Variants in NOS1AP observed in about 807,000 individuals in gnomAD.
NOS1AP encodes the protein nitric oxide synthase 1 adaptor protein.
In NOS1AP, 21 loss-of-function variants were observed where a neutral mutation model predicts 56.2. The observed-to-expected ratio is 0.37, with a 90% CI of 0.26 to 0.54. The LOEUF (loss-of-function observed/expected upper bound fraction) is 0.54. NOS1AP is among the 20% of genes least tolerant of loss of function. The pLI, the probability that NOS1AP is intolerant of heterozygous loss-of-function variation, is 0.84. For missense variants in NOS1AP, 522 were observed against 657.8 expected (o/e 0.79, Z 2.26); for synonymous variants, 270 against 274.6 (o/e 0.98, Z 0.17).
chr1:162,153,153 G>T (rs1179795807), intron 1 of NOS1AP, among the ~76,000 whole-genome samples: 1 of 152,106 alleles, frequency 6.6e-6, no homozygotes, highest in Non-Finnish European at 1.5e-5. Context: ...TTTTGAAACA[G>T]AGCCTCAGTC....
intron 2 of NOS1AP, among the ~76,000 whole-genome samples, chr1:162,262,577 T>C (rs551861306): frequency 1.3e-5 from 2 of 152,330 alleles, no homozygotes; most frequent in South Asian, 4.1e-4. Context: ...CAGGATTATA[T>C]TTAGATTAAC....
intron 1 of NOS1AP, among the ~76,000 whole-genome samples, chr1:162,109,425 A>G (rs1647629769): frequency 6.6e-6 from 1 of 152,188 alleles, no homozygotes; most frequent in Admixed American, 6.5e-5. Context: ...AAAGGTGCAT[A>G]TTGAATTATT....
chr1:162,365,971 G>T (rs1453023399), intron 9 of NOS1AP, among the ~76,000 whole-genome samples: 2 of 152,162 alleles, frequency 1.3e-5, no homozygotes, highest in Non-Finnish European at 2.9e-5. Flanking sequence ...GGAGACAGCA[G>T]ATTGTTTCTT....
intron 5 of NOS1AP, chr1:162,338,553 T>G (rs929961863): frequency 6.6e-6 from 1 of 152,232 alleles, no homozygotes; most frequent in African/African-American, 2.4e-5. Flanking sequence ...AACCATTCTT[T>G]ACATGCATAT....
At chr1:162,318,643 T>TTTC (rs144829991) in intron 4 of NOS1AP, among the ~76,000 whole-genome samples, 3 of 151,512 alleles carry the variant, frequency 2.0e-5, no homozygotes, top group East Asian at 1.9e-4. Flanking sequence ...ATGAGCCCCC[T>TTTC]TTCTTCTTCT....
intron 2 of NOS1AP, among the ~76,000 whole-genome samples, chr1:162,166,105 T>A (rs1244975518): frequency 1.3e-5 from 2 of 152,324 alleles, no homozygotes; most frequent in East Asian, 3.9e-4. Flanking sequence ...TATTTTTCAA[T>A]CGTGTCTCTC....
intron 1 of NOS1AP, among the ~76,000 whole-genome samples, chr1:162,084,536 G>A (rs1392166722): frequency 6.6e-6 from 1 of 152,172 alleles, no homozygotes; most frequent in Non-Finnish European, 1.5e-5. Context: ...GTGTTGCCAG[G>A]TGAGGTGGAT....
At chr1:162,243,568 C>A (rs1188712787) in intron 2 of NOS1AP, among the ~76,000 whole-genome samples, 1 of 152,184 alleles carries the variant, frequency 6.6e-6, no homozygotes, top group African/African-American at 2.4e-5. Flanking sequence ...CAAATCTCTT[C>A]CCCATCTCCA....
chr1:162,091,854 C>A (rs1692137276), intron 1 of NOS1AP, among the ~76,000 whole-genome samples: 1 of 152,090 alleles, frequency 6.6e-6, no homozygotes, highest in South Asian at 2.1e-4. Context: ...GATCTGTCAA[C>A]CACTACGTGG....
intron 2 of NOS1AP, among the ~76,000 whole-genome samples, chr1:162,186,057 A>G (rs1327025462): frequency 1.3e-5 from 2 of 152,176 alleles, no homozygotes; most frequent in Non-Finnish European, 2.9e-5. Context: ...TTACTTATAT[A>G]TTTTTTGTAA....
intron 6 of NOS1AP, among the ~76,000 whole-genome samples, chr1:162,349,403 A>G (rs1424121240): frequency 5.9e-5 from 9 of 152,170 alleles, no homozygotes; most frequent in Non-Finnish European, 1.0e-4. Context: ...ACAACCACAG[A>G]AATGAAGAGA....
intron 6 of NOS1AP, among the ~76,000 whole-genome samples, chr1:162,350,282 G>A (rs1039207003): frequency 2.8e-4 from 42 of 152,234 alleles, no homozygotes; most frequent in Admixed American, 5.2e-4. Flanking sequence ...TCTTTTCATC[G>A]TTTTCAGCAG....
intron 1 of NOS1AP, among the ~76,000 whole-genome samples, chr1:162,076,692 C>T (rs1188562408): frequency 2.6e-5 from 4 of 152,138 alleles, no homozygotes; most frequent in Admixed American, 2.6e-4. Context: ...ATGGTGAAAC[C>T]CCATCTCTAC....
intron 1 of NOS1AP, among the ~76,000 whole-genome samples, chr1:162,128,766 A>G (rs74125911): frequency 0.013 from 1,988 of 152,222 alleles, 43 homozygotes; most frequent in African/African-American, 0.045. Flanking sequence ...GGAAAAAAAA[A>G]TCTGTTTCAC....
intron 4 of NOS1AP, among the ~76,000 whole-genome samples, chr1:162,310,750 C>T (rs59949957): frequency 0.035 from 5,281 of 152,208 alleles, 314 homozygotes; most frequent in African/African-American, 0.12. Flanking sequence ...CATCATAATG[C>T]CCTTCTTACC....
chr1:162,264,814 C>A (rs1442966673), intron 2 of NOS1AP, among the ~76,000 whole-genome samples: 2 of 52,846 alleles, frequency 3.8e-5, no homozygotes, highest in African/African-American at 6.0e-5. Flanking sequence ...CCGCGCCCGA[C>A]CTTTTTTTTT....
At chr1:162,118,635 C>A (rs549291972) in intron 1 of NOS1AP, among the ~76,000 whole-genome samples, 3 of 152,130 alleles carry the variant, frequency 2.0e-5, no homozygotes, top group Admixed American at 2.0e-4. Flanking sequence ...AACCCCAAAC[C>A]AAAAACACTC....
intron 3 of NOS1AP, among the ~76,000 whole-genome samples, chr1:162,290,474 G>C (rs751192326): frequency 1.3e-5 from 2 of 152,212 alleles, no homozygotes; most frequent in Non-Finnish European, 2.9e-5. Flanking sequence ...TTATAGAATT[G>C]AGAGAGGTGA....
chr1:162,146,909 G>A (rs67963512), intron 1 of NOS1AP, among the ~76,000 whole-genome samples: 6,202 of 152,148 alleles, frequency 0.041, 226 homozygotes, highest in African/African-American at 0.09. Flanking sequence ...TGTGTCCTGC[G>A]TTCTATGCAG....
Sources: gnomAD v4.1 joint callset for allele counts (sites outside exome capture counted in the v4.1 genomes callset) on GRCh38, gnomAD v4.1.1 for gene constraint, MANE v1.5 for transcripts, NCBI Gene and HGNC (gene_info 2026-07-23, HGNC 2026-07-21) for gene names.